The following SYN3 variants were observed in gnomAD, a reference collection of about 807,000 sequenced individuals.
SYN3 encodes synapsin III, also known as synapsin-3.
SYN3 carries 35 observed loss-of-function variants against 65.8 expected under a neutral mutation model. The observed-to-expected ratio is 0.53, with a 90% CI of 0.41 to 0.70. SYN3 has a LOEUF of 0.70. Ranked by LOEUF, SYN3 falls within the 30% of genes least tolerant of loss-of-function variation. SYN3 has a pLI of 0.00. For missense variants in SYN3, 680 were observed against 749.0 expected, an observed-to-expected ratio of 0.91 and a Z score of 1.08; for synonymous variants, 270 against 292.9, an observed-to-expected ratio of 0.92 and a Z score of 0.80.
intron 12 of SYN3, among the ~76,000 whole-genome samples, chr22:32,523,334 C>T (rs1042380048): frequency 1.3e-5 from 2 of 152,046 alleles, no homozygotes; most frequent in South Asian, 2.1e-4. Context: ...AACATGGTGA[C>T]GTCCCTTCTC....
chr22:32,742,093 A>G (rs1432538230), intron 6 of SYN3, among the ~76,000 whole-genome samples: 2 of 151,858 alleles, frequency 1.3e-5, no homozygotes, highest in African/African-American at 4.8e-5. Context: ...CTAACACGGT[A>G]AAACCCCACC....
At chr22:32,696,004 G>T (rs770985107) in intron 6 of SYN3, among the ~76,000 whole-genome samples, 1 of 152,154 alleles carries the variant, frequency 6.6e-6, no homozygotes, top group Non-Finnish European at 1.5e-5. Context: ...TTTCTTTAGA[G>T]TAATATTAGC....
intron 3 of SYN3, among the ~76,000 whole-genome samples, chr22:32,943,004 C>T (rs1313176347): frequency 6.6e-6 from 1 of 152,160 alleles, no homozygotes; most frequent in Admixed American, 6.5e-5. Flanking sequence ...AGAATGGAAC[C>T]AAGGTGGAAA....
intron 6 of SYN3, among the ~76,000 whole-genome samples, chr22:32,797,109 T>C (rs1236525781): frequency 6.6e-6 from 1 of 152,176 alleles, no homozygotes; most frequent in Non-Finnish European, 1.5e-5. Flanking sequence ...GCCCTCGCAG[T>C]GAGACGACCG....
At chr22:32,539,581 C>T (rs5754139) in intron 8 of SYN3, among the ~76,000 whole-genome samples, 97,966 of 151,998 alleles carry the variant, frequency 0.64, 31,700 homozygotes, top group East Asian at 0.9. Flanking sequence ...AGCCCAGTAG[C>T]GACAAGCACA....
intron 7 of SYN3, among the ~76,000 whole-genome samples, chr22:32,574,096 A>G (rs1051566612): frequency 6.6e-6 from 1 of 151,638 alleles, no homozygotes; most frequent in Non-Finnish European, 1.5e-5. Context: ...TTTATTTTTA[A>G]GTTAGGACTC....
intron 7 of SYN3, among the ~76,000 whole-genome samples, chr22:32,557,762 C>G (rs1019838378): frequency 1.3e-5 from 2 of 152,204 alleles, no homozygotes; most frequent in Admixed American, 1.3e-4. Context: ...TGCCCTTGCC[C>G]GTGACACTCC....
intron 6 of SYN3, among the ~76,000 whole-genome samples, chr22:32,850,569 G>T (rs901155782): frequency 1.1e-4 from 16 of 152,152 alleles, no homozygotes; most frequent in Non-Finnish European, 1.5e-5. Context: ...GAGGCCGTGA[G>T]GGAGATACAG....
At chr22:32,828,347 T>C (rs957469697) in intron 6 of SYN3, among the ~76,000 whole-genome samples, 3 of 152,212 alleles carry the variant, frequency 2.0e-5, no homozygotes, top group Admixed American at 2.0e-4. Flanking sequence ...TTCTTTTATG[T>C]TGATGTGAAG....
intron 6 of SYN3, among the ~76,000 whole-genome samples, chr22:32,663,559 A>G (rs1027084894): frequency 4.6e-5 from 7 of 152,058 alleles, no homozygotes; most frequent in African/African-American, 1.4e-4. Context: ...CGGCCTCCCA[A>G]AGTGCTGGGA....
chr22:32,923,628 A>G lies in SYN3; in HGVS notation c.461+7762T>C, dbSNP rs555088411. On this transcript the variant is annotated intron_variant, in intron 4 of 13. Transcript: ENST00000358763. ...TTTAACATTCCTATTTTGGGAGACC[A>G]TAGCTAGGACTTGTTATGGCCCTAT... Among the ~76,000 whole-genome samples, 3 of 152,374 alleles carry G rather than the reference A, an allele frequency of 2.0e-5. No homozygotes were observed. In the East Asian group the frequency reaches 5.8e-4, roughly 29 times the overall value.
chr22:32,739,375 C>A (rs1444017265), intron 6 of SYN3, among the ~76,000 whole-genome samples: 1 of 59,280 alleles, frequency 1.7e-5, no homozygotes, highest in African/African-American at 5.6e-5. Flanking sequence ...TTAAACCCCC[C>A]CTTTTTTTTT....
Position 32,559,678 on chromosome 22 carries a change from AT to A in SYN3, c.775-17966del, listed in dbSNP as rs2058555904. ...ATCTCTACTAAAAAAATACAAAAAA[AT>A]TAGCCGGGCGTGGCGGCGGGTGGCG... On this transcript the variant is annotated intron_variant, in intron 7 of 13. Coordinates refer to ENST00000358763, the MANE Select transcript of SYN3 (RefSeq NM_003490.4). 1.3e-5 allele frequency among the ~76,000 whole-genome samples: 2 copies of A among 152,090 alleles called. 1 individual carries two copies. Among genetic ancestry groups the A allele is most frequent in the South Asian group, 4.1e-4 (2 of 4,822 alleles).
intron 4 of SYN3, among the ~76,000 whole-genome samples, chr22:32,927,507 C>T (rs1274350421): frequency 6.6e-6 from 1 of 152,050 alleles, no homozygotes; most frequent in East Asian, 1.9e-4. Flanking sequence ...ACCTGGCCTC[C>T]CAAAGTGCTG....
At chr22:32,906,494 A>G (rs1214346642) in intron 4 of SYN3, among the ~76,000 whole-genome samples, 1 of 152,114 alleles carries the variant, frequency 6.6e-6, no homozygotes, top group Non-Finnish European at 1.5e-5. Context: ...TAAATATATT[A>G]ATATCTTTTT....
intron 6 of SYN3, among the ~76,000 whole-genome samples, chr22:32,771,575 T>C (rs2045770541): frequency 6.6e-6 from 1 of 152,212 alleles, no homozygotes; most frequent in Non-Finnish European, 1.5e-5. Flanking sequence ...TTCTTTAAAA[T>C]GGAGATAATA....
intron 6 of SYN3, among the ~76,000 whole-genome samples, chr22:32,696,497 T>C (rs1388880090): frequency 6.6e-6 from 1 of 152,252 alleles, no homozygotes; most frequent in African/African-American, 2.4e-5. Context: ...TTTTTGTTGC[T>C]TTCAGTGGGT....
Position 32,518,334 on chromosome 22 carries a change from C to G in SYN3, c.1319G>C (p.Gly440Ala). Residue 440 changes from glycine to alanine, a missense_variant and splice_region_variant, in exon 13 of 14, where the codon GGA becomes GCA. Transcript: ENST00000358763. ...AGGAGACTGAGCTTGGCGAGGGCCT[C>G]CTAAGGGGCCAGAAAAAAAAAGGTT... is the stretch of plus-strand genomic sequence containing the variant. The part of the protein sequence containing the change: ...GQPQPRPPPQ[G>A]GPRQAQSPQP... 2 of 1,609,516 alleles carry G rather than the reference C, an allele frequency of 1.2e-6. No individual in the cohort carries two copies. Among genetic ancestry groups the G allele is most frequent in the Non-Finnish European group, 1.7e-6 (2 of 1,178,078 alleles).
intron 6 of SYN3, among the ~76,000 whole-genome samples, chr22:32,662,436 G>C (rs770774191): frequency 1.4e-3 from 219 of 152,228 alleles, no homozygotes; most frequent in Non-Finnish European, 2.1e-3. Context: ...TCCCTCCATA[G>C]CTCTTTGACT....
Sources: gnomAD v4.1 joint callset for allele counts (sites outside exome capture counted in the v4.1 genomes callset) on GRCh38, gnomAD v4.1.1 for gene constraint, MANE v1.5 for transcripts, NCBI Gene and HGNC (gene_info 2026-07-23, HGNC 2026-07-21) for gene names.